Variants in SCUBE1 observed in about 807,000 individuals in gnomAD.
The protein encoded by SCUBE1 is signal peptide, CUB and EGF-like domain-containing protein 1.
In SCUBE1, 59 loss-of-function variants were observed where a neutral mutation model predicts 124.4. The observed-to-expected ratio is 0.47, with a 90% CI of 0.38 to 0.59. The LOEUF (loss-of-function observed/expected upper bound fraction) is 0.59. Among genes scored for constraint, SCUBE1 ranks in the 20% least tolerant of loss-of-function variants. The pLI is 0.00. For missense variants in SCUBE1, 1,150 were observed against 1,371.2 expected, an observed-to-expected ratio of 0.84 and a Z score of 2.55; for synonymous variants, 545 against 550.9, an observed-to-expected ratio of 0.99 and a Z score of 0.15.
chr22:43,287,082 G>A (rs739306), intron 4 of SCUBE1, among the ~76,000 whole-genome samples: 92,768 of 151,944 alleles, frequency 0.61, 30,976 homozygotes, highest in Middle Eastern at 0.79. Flanking sequence ...GTGGCCAGAG[G>A]AGGGATTGTC....
intron 5 of SCUBE1, among the ~76,000 whole-genome samples, chr22:43,262,212 A>G (rs1010109145): frequency 1.3e-5 from 2 of 152,080 alleles, no homozygotes; most frequent in Admixed American, 6.6e-5. Flanking sequence ...TCCAAGCTGG[A>G]CTCAAAGTCG....
intron 6 of SCUBE1, among the ~76,000 whole-genome samples, chr22:43,248,482 T>G (rs373945004): frequency 4.8e-4 from 73 of 152,310 alleles, no homozygotes; most frequent in Middle Eastern, 3.4e-3. Flanking sequence ...AAGCCCCAGC[T>G]GTGAGTGTGA....
At chr22:43,300,686 T>G (rs1925739185) in intron 3 of SCUBE1, among the ~76,000 whole-genome samples, 1 of 152,124 alleles carries the variant, frequency 6.6e-6, no homozygotes, top group East Asian at 1.9e-4. Context: ...GGACACCACC[T>G]CCTTTCAAGC....
chr22:43,258,150 G>T lies in SCUBE1; in HGVS notation c.727+69C>A. ...CCGGACGTGGCAGGGTGCTGGCCCT[G>T]CTGGTGCACGCATGGGGGGTCGGGG... On this transcript the variant is annotated intron_variant, in intron 6 of 21. Transcript: ENST00000360835. The surrounding 1 kb of genome is among the most constrained non-coding windows in gnomAD (Gnocchi z 5.0). 9.4e-7 allele frequency: 1 copy of T among 1,066,660 alleles called. No individual in the cohort carries two copies. The highest frequency in any genetic ancestry group is 1.4e-6 in the Non-Finnish European group (1 of 693,056). The allele number at this position is 1,066,660 out of a possible 1,614,324, so 66.1% of individuals were successfully genotyped here. A position where few individuals can be genotyped will look rare whatever the true frequency, so the allele number is the denominator to read the frequency against.
chr22:43,288,064 TGTTTTTTGGACTGATTTC>T (rs774777475), intron 4 of SCUBE1, among the ~76,000 whole-genome samples: 52 of 152,370 alleles, frequency 3.4e-4, no homozygotes, highest in Non-Finnish European at 5.3e-4. Context: ...AGTTATCTGT[TGTTTTTTGGACTGATTTC>T]ATTGCCCAGA....
intron 1 of SCUBE1, among the ~76,000 whole-genome samples, chr22:43,341,849 C>T (rs185229414): frequency 1.3e-4 from 20 of 151,848 alleles, no homozygotes; most frequent in Non-Finnish European, 8.8e-5. Flanking sequence ...CGGAGAGGGT[C>T]GTGGAGGAGA....
intron 7 of SCUBE1, among the ~76,000 whole-genome samples, chr22:43,236,585 T>C (rs75559055): frequency 0.048 from 7,239 of 152,262 alleles, 202 homozygotes; most frequent in South Asian, 0.11. Flanking sequence ...CCTTGCGCCA[T>C]CTGGCCCGCC....
Position 43,203,698 on chromosome 22 carries a change from G to C in SCUBE1, c.*299C>G, listed in dbSNP as rs888153166. On this transcript the variant is annotated 3_prime_UTR_variant, in exon 22 of 22. Coordinates refer to ENST00000360835, the MANE Select transcript of SCUBE1 (RefSeq NM_173050.5). Reference sequence around the variant, plus strand: ...CTCTCCTGAAACGCCAGGCCAGGCAGAGGGTCCTGCAATCCTGCTACCTGC... The same window carrying C: ...CTCTCCTGAAACGCCAGGCCAGGCACAGGGTCCTGCAATCCTGCTACCTGC... The C allele has an allele frequency of 3.3e-6, 1 of 302,692 alleles. No individual in the cohort carries two copies. Among genetic ancestry groups the C allele is most frequent in the Non-Finnish European group, 6.2e-6 (1 of 161,624 alleles). 18.8% of individuals were successfully genotyped at this position (302,692 alleles called of 1,614,324 possible). A position where few individuals can be genotyped will look rare whatever the true frequency, so the allele number is the denominator to read the frequency against.
chr22:43,198,563 C>T lies in SCUBE1; in HGVS notation c.*5434G>A, dbSNP rs1251121580. 1 of 456,752 alleles carries T rather than the reference C, an allele frequency of 2.2e-6. No individual in the cohort carries two copies. Among genetic ancestry groups the T allele is most frequent in the Admixed American group, 2.3e-5 (1 of 42,586 alleles). 28.3% of individuals were successfully genotyped at this position (456,752 alleles called of 1,614,324 possible). On this transcript the variant is annotated 3_prime_UTR_variant, in exon 22 of 22. Coordinates refer to ENST00000360835, the MANE Select transcript of SCUBE1 (RefSeq NM_173050.5). ...GCTCTCTGCTCTCTCTCCACATCCT[C>T]ACTCCACCCCTCATTACATCCTCTG... is the stretch of plus-strand genomic sequence containing the variant.
intron 3 of SCUBE1, among the ~76,000 whole-genome samples, chr22:43,294,067 G>A: frequency 6.6e-6 from 1 of 152,130 alleles, no homozygotes; most frequent in East Asian, 1.9e-4. Context: ...GATGAATAAT[G>A]GGAAACAAAT....
chr22:43,240,643 A>C (rs1417470052), intron 6 of SCUBE1, among the ~76,000 whole-genome samples: 2 of 152,232 alleles, frequency 1.3e-5, no homozygotes. Context: ...CCTGGAAATA[A>C]GGACGAGCCT....
chr22:43,208,178 C>G lies in SCUBE1; in HGVS notation c.2628G>C (p.Glu876Asp). 1.2e-6 allele frequency: 2 copies of G among 1,614,124 alleles called. No individual in the cohort carries two copies. Among genetic ancestry groups the G allele is most frequent in the Non-Finnish European group, 1.7e-6 (2 of 1,180,020 alleles). ...AGCGGGAGGTGAAGGCGATGGGCCTCTCGTAGGTCTGGCAGGTCTCATAGG... is the reference window on the plus strand; with the variant it reads ...AGCGGGAGGTGAAGGCGATGGGCCTGTCGTAGGTCTGGCAGGTCTCATAGG... ...ITTYETCQTY[E>D]RPIAFTSRSR... is the part of the protein sequence containing the mutation. Residue 876 changes from glutamate to aspartate, a missense_variant, in exon 20 of 22, where the codon GAG becomes GAC. Physicochemically the swap from Glu to Asp is conservative, Grantham distance 45. Around this residue, in one of 3 missense-constraint regions of SCUBE1, gnomAD observed 757 missense variants for 840.9 expected, o/e 0.90. Transcript: ENST00000360835.
intron 1 of SCUBE1, among the ~76,000 whole-genome samples, 176 bp from the exon 2 acceptor site, chr22:43,339,411 T>G (rs529972974): frequency 6.6e-6 from 1 of 152,202 alleles, no homozygotes; most frequent in Non-Finnish European, 1.5e-5. Context: ...GTAGCATCTT[T>G]GGCGCAGCTA....
At chr22:43,239,084 C>T (rs561949616) in intron 6 of SCUBE1, 130 bp from the exon 7 acceptor site, 3 of 692,984 alleles carry the variant, frequency 4.3e-6, no homozygotes, top group African/African-American at 1.8e-5. Context: ...GATATACTCT[C>T]TGGCTGTGGG....
At chr22:43,329,856 A>G (rs1241810980) in intron 2 of SCUBE1, among the ~76,000 whole-genome samples, 13 of 152,120 alleles carry the variant, frequency 8.5e-5, no homozygotes, top group Non-Finnish European at 1.8e-4. Flanking sequence ...TCCACGGTTT[A>G]TTTTCTTAGA....
At position 43,258,127 on chromosome 22, in the gene SCUBE1, G is replaced by T. The variant is rs191253716; in HGVS notation, c.727+92C>A. 4.5e-6 allele frequency: 4 copies of T among 897,692 alleles called. No individual in the cohort carries two copies. Among genetic ancestry groups the T allele is most frequent in the South Asian group, 2.7e-5 (2 of 75,464 alleles). 55.6% of individuals were successfully genotyped at this position (897,692 alleles called of 1,614,324 possible). On this transcript the variant is annotated intron_variant, in intron 6 of 21. Coordinates refer to ENST00000360835, the MANE Select transcript of SCUBE1 (RefSeq NM_173050.5). The surrounding 1 kb of genome is among the most constrained non-coding windows in gnomAD (Gnocchi z 5.0). ...CCTGAAGCTTCCTTCCGGGGAACCC[G>T]GACGTGGCAGGGTGCTGGCCCTGCT...
At chr22:43,239,153 G>T (rs1922895392) in intron 6 of SCUBE1, 199 bp from the exon 7 acceptor site, 4 of 597,586 alleles carry the variant, frequency 6.7e-6, no homozygotes, top group South Asian at 6.0e-5. Flanking sequence ...TGAAATGGGG[G>T]AATGACACCA....
At chr22:43,271,913 C>T (rs1444230095) in intron 4 of SCUBE1, among the ~76,000 whole-genome samples, 2 of 152,170 alleles carry the variant, frequency 1.3e-5, no homozygotes, top group Admixed American at 6.5e-5. Context: ...CAGCACTCAC[C>T]GGACAGGTGA....
intron 4 of SCUBE1, among the ~76,000 whole-genome samples, chr22:43,284,766 C>CGTCGTT (rs1421576948): frequency 3.9e-5 from 6 of 152,034 alleles, no homozygotes; most frequent in Non-Finnish European, 1.5e-5. Flanking sequence ...TCGTCATCGT[C>CGTCGTT]GTCGTCGTCG....
Sources: allele counts gnomAD v4.1 joint callset (sites outside exome capture counted in the v4.1 genomes callset), GRCh38; gene constraint gnomAD v4.1.1; regional missense constraint gnomAD v4.1.1; non-coding constraint Gnocchi (gnomAD v3.1); transcripts MANE v1.5; gene names NCBI Gene and HGNC (gene_info 2026-07-23, HGNC 2026-07-21).